Variants in CFAP99 observed in about 807,000 individuals in gnomAD.
The protein encoded by CFAP99 is cilia- and flagella-associated protein 99.
Under a neutral mutation model 82.7 loss-of-function variants are expected in CFAP99, and 84 were observed. That is an observed-to-expected ratio of 1.02 (90% CI 0.85 to 1.22). The LOEUF (loss-of-function observed/expected upper bound fraction) is 1.22. Ranked by LOEUF, CFAP99 falls within the 50% of genes most tolerant of loss-of-function variation. The pLI, the probability that CFAP99 is intolerant of heterozygous loss-of-function variation, is 0.00. For synonymous variants in CFAP99, 456 were observed against 429.5 expected, an observed-to-expected ratio of 1.06 and a Z score of -0.76; for missense variants, 1,059 against 983.5, an observed-to-expected ratio of 1.08 and a Z score of -1.03.
intron 4 of CFAP99, among the ~76,000 whole-genome samples, chr4:2,442,306 G>A (rs1734060797): frequency 1.3e-5 from 2 of 152,134 alleles, no homozygotes; most frequent in Admixed American, 6.5e-5. Flanking sequence ...TGGCCCCCTT[G>A]AGGGAGGAAG....
chr4:2,454,194 G>T (rs1012670667), intron 11 of CFAP99, among the ~76,000 whole-genome samples: 7 of 152,150 alleles, frequency 4.6e-5, no homozygotes, highest in Non-Finnish European at 8.8e-5. Flanking sequence ...GTAGAGATGA[G>T]GTTTCACCAT....
rs1733681921 is a variant in CFAP99 at position 2,426,338 on chromosome 4, T to C, written c.-17-121T>C. 26 of 667,338 alleles carry C rather than the reference T, an allele frequency of 3.9e-5. No individual in the cohort carries two copies. In the South Asian group the frequency reaches 4.5e-4, roughly 12 times the overall value. The allele number at this position is 667,338 out of a possible 1,614,324, so 41.3% of individuals were successfully genotyped here. ...CCGGCACCCTAGCCAGGGCCCCCAG[T>C]CACATCCGGTCTTCCTGCTGCTACA... On this transcript the variant is annotated intron_variant, in intron 1 of 14. Transcript: ENST00000635017.
At chr4:2,459,353 G>C (rs1195969014) in intron 13 of CFAP99, 95 bp downstream of exon 13, 8 of 1,393,556 alleles carry the variant, frequency 5.7e-6, no homozygotes, top group African/African-American at 1.4e-5. Flanking sequence ...CAGAGCCACA[G>C]GTGGGTCTTG....
At chr4:2,440,149 C>CTTTTTTTTTTTTTTTT (rs1253819268) in intron 4 of CFAP99, among the ~76,000 whole-genome samples, 2,918 of 103,392 alleles carry the variant, frequency 0.028, 201 homozygotes, top group East Asian at 0.038. Flanking sequence ...GCTTGACATT[C>CTTTTTTTTTTTTTTTT]TTTTTTTTTT....
chr4:2,419,739 G>A (rs946360703), intron 1 of CFAP99, among the ~76,000 whole-genome samples: 1 of 152,048 alleles, frequency 6.6e-6, no homozygotes, highest in Admixed American at 6.5e-5. Flanking sequence ...TAGGCGCGCT[G>A]GCATCTAAGA....
intron 10 of CFAP99, 81 bp from the exon 11 acceptor site, chr4:2,452,061 C>A: frequency 1.4e-6 from 2 of 1,423,466 alleles, no homozygotes; most frequent in South Asian, 2.5e-5. Flanking sequence ...CAGCCACTGT[C>A]CCTCAGGAAA....
chr4:2,443,953 G>A (rs1036628313), intron 5 of CFAP99, among the ~76,000 whole-genome samples: 1 of 152,142 alleles, frequency 6.6e-6, no homozygotes, highest in Non-Finnish European at 1.5e-5. Flanking sequence ...GGACTTGAAG[G>A]GATCCACTTT....
At chr4:2,460,182 A>G in exon 14 of CFAP99, 1 of 1,536,152 alleles carries the variant, frequency 6.5e-7, no homozygotes, top group East Asian at 2.4e-5. Context: ...CAGGAACTGC[A>G]GAACATGGTG....
chr4:2,433,486 G>C (rs1300029429), intron 2 of CFAP99, among the ~76,000 whole-genome samples: 2 of 152,050 alleles, frequency 1.3e-5, no homozygotes, highest in African/African-American at 4.8e-5. Flanking sequence ...GAAGCTGAGA[G>C]GGAAACTGAG....
intron 1 of CFAP99, 41 bp from the exon 2 acceptor site, chr4:2,426,418 T>A: frequency 3.1e-6 from 4 of 1,281,858 alleles, no homozygotes; most frequent in Non-Finnish European, 4.4e-6. Context: ...TGCGGCTACA[T>A]CCCAGGTGTG....
At chr4:2,440,215 C>T (rs1269394971) in intron 4 of CFAP99, among the ~76,000 whole-genome samples, 2 of 133,844 alleles carry the variant, frequency 1.5e-5, no homozygotes, top group South Asian at 2.5e-4. Flanking sequence ...GGCAGGATCT[C>T]GGCTCACTGC....
intron 4 of CFAP99, among the ~76,000 whole-genome samples, chr4:2,442,907 GGC>G (rs1212227647): frequency 1.2e-3 from 162 of 136,932 alleles, no homozygotes; most frequent in Non-Finnish European, 1.8e-3. Flanking sequence ...GGGCCTTGGG[GGC>G]AGGGAGCTCA....
At chr4:2,437,156 T>A in intron 3 of CFAP99, 138 bp downstream of exon 3, 1 of 1,043,188 alleles carries the variant, frequency 9.6e-7, no homozygotes. Context: ...GCTTCCCGGC[T>A]CCTCACCTCA....
intron 2 of CFAP99, among the ~76,000 whole-genome samples, chr4:2,429,804 A>G (rs901421529): frequency 1.3e-3 from 205 of 152,150 alleles, no homozygotes; most frequent in East Asian, 2.3e-3. Flanking sequence ...TGTTAGCCAG[A>G]ATGGTCTTGA....
At chr4:2,426,779 G>C (rs992239785) in intron 2 of CFAP99, 193 bp downstream of exon 2, 8 of 577,824 alleles carry the variant, frequency 1.4e-5, no homozygotes, top group South Asian at 5.9e-5. Context: ...TGTCAGGCCA[G>C]GCTCTGGTGA....
chr4:2,450,999 C>T (rs568327312), exon 9 of CFAP99: 49 of 1,535,996 alleles, frequency 3.2e-5, no homozygotes, highest in Non-Finnish European at 3.9e-5. Context: ...CGAAAGACTC[C>T]GAAGCTGACC....
Position 2,462,478 on chromosome 4 carries a change from C to T in CFAP99, c.1697C>T (p.Ala566Val). The T allele has an allele frequency of 6.8e-7, 1 of 1,471,152 alleles. No individual in the cohort carries two copies. The highest frequency in any genetic ancestry group is 8.9e-7 in the Non-Finnish European group (1 of 1,121,134). 91.1% of individuals were successfully genotyped at this position (1,471,152 alleles called of 1,614,324 possible). ...AAGAAGGCCCTTGCGGCGGCCCCGG[C>T]GGCGCCCTCGCAGGACGAGCGCGTG... Residue 566 changes from alanine (A) to valine (V), a missense_variant, in exon 15 of 15, where the codon GCG becomes GTG. Physicochemically the swap from Ala to Val is moderately conservative, Grantham distance 64. Coordinates refer to ENST00000635017, the Ensembl canonical transcript of CFAP99. The surrounding 1 kb of genome is among the most constrained non-coding windows in gnomAD (Gnocchi z 4.1).
In CFAP99 at chr4:2,449,758, G is replaced by A. The variant is rs1216593751; in HGVS notation, c.723+8G>A. On this transcript the variant is annotated splice_region_variant and intron_variant, in intron 7 of 14. Coordinates refer to ENST00000635017, the Ensembl canonical transcript of CFAP99. ...AACCGCCGAAAGGCCGAGGTGAGCTGTGTGCGACCCCTGCCTTCCTAGAGA... is the reference window on the plus strand; with the variant it reads ...AACCGCCGAAAGGCCGAGGTGAGCTATGTGCGACCCCTGCCTTCCTAGAGA... The A allele has an allele frequency of 2.0e-6, 3 of 1,536,098 alleles. No individual in the cohort carries two copies. In the East Asian group the frequency reaches 7.3e-5, roughly 38 times the overall value.
chr4:2,431,505 C>T (rs2108714511), intron 2 of CFAP99, among the ~76,000 whole-genome samples: 1 of 152,288 alleles, frequency 6.6e-6, no homozygotes, highest in Admixed American at 6.5e-5. Flanking sequence ...GACTGACCAC[C>T]TGTCCCTTTG....
Sources: gnomAD v4.1 joint callset for allele counts (sites outside exome capture counted in the v4.1 genomes callset) on GRCh38, gnomAD v4.1.1 for gene constraint, Gnocchi (gnomAD v3.1) non-coding constraint, MANE v1.5 for transcripts, NCBI Gene and HGNC (gene_info 2026-07-23, HGNC 2026-07-21) for gene names.